Variants in RASGRP3 observed in about 807,000 individuals in gnomAD.
The protein encoded by RASGRP3 is RAS guanyl releasing protein 3.
In RASGRP3, 54 loss-of-function variants were observed where a neutral mutation model predicts 82.7. The ratio of observed to expected loss-of-function variants is 0.65; its 90% confidence interval spans 0.52 to 0.82. RASGRP3 has a LOEUF of 0.82. RASGRP3 is among the 40% of genes least tolerant of loss of function. The pLI is 0.00. For synonymous variants in RASGRP3, 309 were observed against 300.5 expected, an observed-to-expected ratio of 1.03 and a Z score of -0.29; for missense variants, 861 against 828.9, an observed-to-expected ratio of 1.04 and a Z score of -0.48.
intron 1 of RASGRP3, among the ~76,000 whole-genome samples, chr2:33,499,070 A>T (rs1035047300): frequency 6.6e-5 from 10 of 152,146 alleles, no homozygotes; most frequent in Non-Finnish European, 1.2e-4. Flanking sequence ...TGTATTCAAT[A>T]ATCAAAAGAG....
At chr2:33,549,991 G>T (rs1463008841) in intron 14 of RASGRP3, among the ~76,000 whole-genome samples, 1 of 152,156 alleles carries the variant, frequency 6.6e-6, no homozygotes, top group Non-Finnish European at 1.5e-5. Flanking sequence ...GAGTGGTTTT[G>T]TTTATTACTC....
chr2:33,534,671 G>A (rs61202183), intron 11 of RASGRP3, among the ~76,000 whole-genome samples: 2,405 of 150,698 alleles, frequency 0.016, 76 homozygotes, highest in African/African-American at 0.056. Flanking sequence ...TAGAATTATA[G>A]GTGCACACTG....
At position 33,450,818 on chromosome 2, in the gene RASGRP3, CTTTCTTTTTTTTTTTTTT is replaced by C. The variant is rs1405521166; in HGVS notation, c.-261+2879_-261+2896del. Among the ~76,000 whole-genome samples, 399 of 43,412 alleles carry C rather than the reference CTTTCTTTTTTTTTTTTTT, an allele frequency of 9.2e-3. 4 individuals are homozygous for C. The highest frequency in any genetic ancestry group is 0.029 in the African/African-American group (377 of 12,974). 28.5% of individuals were successfully genotyped at this position (43,412 alleles called of 152,430 possible). ...CTTTTCTTTCTTTTTCTCTTTCTTT[CTTTCTTTTTTTTTTTTTT>C]TTTTTTTTTTTTTTTTTTTGAGACA... On this transcript the variant is annotated intron_variant, in intron 2 of 18. Transcript: ENST00000402538.
intron 13 of RASGRP3, 43 bp downstream of exon 13, chr2:33,543,670 G>A: frequency 7.4e-7 from 1 of 1,342,426 alleles, no homozygotes; most frequent in East Asian, 2.4e-5. Context: ...CTATCCTAAA[G>A]CAGAAAATTA....
chr2:33,524,105 G>C (rs2151028665), intron 8 of RASGRP3, 53 bp downstream of exon 8: 1 of 1,564,960 alleles, frequency 6.4e-7, no homozygotes, highest in South Asian at 1.1e-5. Context: ...CGTTCACTCT[G>C]TTGAGAAAAG....
intron 12 of RASGRP3, among the ~76,000 whole-genome samples, chr2:33,543,135 C>T (rs1160852366): frequency 6.6e-6 from 1 of 152,188 alleles, no homozygotes; most frequent in Admixed American, 6.5e-5. Context: ...GCCTCAGCCT[C>T]ACAAGTGGCT....
intron 1 of RASGRP3, among the ~76,000 whole-genome samples, chr2:33,447,037 G>T (rs943792656): frequency 2.0e-5 from 3 of 151,236 alleles, no homozygotes; most frequent in African/African-American, 7.3e-5. Context: ...ACAGCTACTC[G>T]GGAGGCTGAG....
chr2:33,527,298 C>T lies in RASGRP3; in HGVS notation c.969C>T (p.Asn323=), dbSNP rs1470708809. 1 of 1,613,966 alleles carries T rather than the reference C, an allele frequency of 6.2e-7. No homozygotes were observed. The highest frequency in any genetic ancestry group is 8.5e-7 in the Non-Finnish European group (1 of 1,179,866). The change falls in exon 10 of 18, where the codon AAC becomes AAT. Residue 323 remains asparagine (N), a synonymous_variant. Transcript: ENST00000403687. ...HVIFPDWTEE[N]KVNIVKMHQL... is the part of the protein sequence containing the mutation. ...TTTTCCCAGACTGGACAGAGGAGAACAAAGTGAACATTGTGAAAATGCACC... is the reference window on the plus strand; with the variant it reads ...TTTTCCCAGACTGGACAGAGGAGAATAAAGTGAACATTGTGAAAATGCACC...
intron 2 of RASGRP3, among the ~76,000 whole-genome samples, chr2:33,461,360 C>T (rs957710189): frequency 3.3e-5 from 5 of 152,182 alleles, no homozygotes; most frequent in Non-Finnish European, 5.9e-5. Context: ...TTTACTGCAG[C>T]CTCCATCTCC....
Position 33,522,063 on chromosome 2 carries a change from C to T in RASGRP3, c.477C>T (p.His159=). The T allele has an allele frequency of 6.2e-7, 1 of 1,612,552 alleles. No individual in the cohort carries two copies. Among genetic ancestry groups the T allele is most frequent in the Non-Finnish European group, 8.5e-7 (1 of 1,179,568 alleles). ...TGGAGCCCATTGAATTGGCTGAGCACCTCACTTTTCTGGAGCATAAATCTT... is the reference window on the plus strand; with the variant it reads ...TGGAGCCCATTGAATTGGCTGAGCATCTCACTTTTCTGGAGCATAAATCTT... The part of the protein sequence containing the change: ...DHLEPIELAE[H]LTFLEHKSFR... Residue 159 remains histidine, a synonymous_variant, in exon 7 of 18, where the codon CAC becomes CAT. Coordinates refer to ENST00000403687, the MANE Select transcript of RASGRP3 (RefSeq NM_001139488.2).
intron 1 of RASGRP3, among the ~76,000 whole-genome samples, chr2:33,439,555 G>T (rs1442714324): frequency 1.3e-5 from 2 of 152,196 alleles, no homozygotes; most frequent in Non-Finnish European, 2.9e-5. Flanking sequence ...GTGCCCTACT[G>T]CATGACTGTG....
intron 2 of RASGRP3, among the ~76,000 whole-genome samples, chr2:33,512,137 C>T (rs1039552947): frequency 1.3e-5 from 2 of 152,226 alleles, no homozygotes; most frequent in African/African-American, 4.8e-5. Flanking sequence ...GACTCAGACA[C>T]ATCTACTGAT....
intron 3 of RASGRP3, 149 bp from the exon 4 acceptor site, chr2:33,516,393 C>G (rs950543019): frequency 5.4e-6 from 3 of 550,878 alleles, no homozygotes; most frequent in Middle Eastern, 5.1e-4. Context: ...GGTGACAGAG[C>G]AAGACTCCAT....
chr2:33,494,903 G>A (rs1669175480), intron 1 of RASGRP3, among the ~76,000 whole-genome samples: 1 of 152,312 alleles, frequency 6.6e-6, no homozygotes, highest in Non-Finnish European at 1.5e-5. Context: ...AAATACTAAT[G>A]TCTTAGACTA....
chr2:33,514,225 G>C (rs1357547085), intron 2 of RASGRP3, among the ~76,000 whole-genome samples: 2 of 152,126 alleles, frequency 1.3e-5, no homozygotes, highest in Non-Finnish European at 2.9e-5. Context: ...CAGGCAAGTA[G>C]AATCTGTTAC....
chr2:33,480,524 G>A (rs1667799776), intron 1 of RASGRP3, among the ~76,000 whole-genome samples: 2 of 152,228 alleles, frequency 1.3e-5, no homozygotes, highest in Middle Eastern at 3.4e-3. Context: ...GTGTTATATG[G>A]GTACACGTGA....
intron 1 of RASGRP3, among the ~76,000 whole-genome samples, chr2:33,440,579 C>G (rs1450053346): frequency 6.6e-6 from 1 of 152,164 alleles, no homozygotes; most frequent in Non-Finnish European, 1.5e-5. Context: ...TTCTATTGTT[C>G]GTAACTTTGA....
At chr2:33,489,355 A>G (rs960333838) in intron 1 of RASGRP3, among the ~76,000 whole-genome samples, 2 of 152,184 alleles carry the variant, frequency 1.3e-5, no homozygotes, top group South Asian at 2.1e-4. Flanking sequence ...ACTTGCAGAA[A>G]TACTGCTGCA....
intron 1 of RASGRP3, among the ~76,000 whole-genome samples, chr2:33,439,981 C>T (rs1017761002): frequency 2.0e-5 from 3 of 152,006 alleles, no homozygotes; most frequent in Non-Finnish European, 2.9e-5. Flanking sequence ...CAAACTGACG[C>T]GTTTTGCAAA....
Sources: gnomAD v4.1 joint callset for allele counts (sites outside exome capture counted in the v4.1 genomes callset) on GRCh38, gnomAD v4.1.1 for gene constraint, MANE v1.5 for transcripts, NCBI Gene and HGNC (gene_info 2026-07-23, HGNC 2026-07-21) for gene names.